Variants in CAST observed in about 807,000 individuals in gnomAD.
CAST encodes MIR583 host.
In CAST, 76 loss-of-function variants were observed where a neutral mutation model predicts 119.6. That is an observed-to-expected ratio of 0.64 (90% CI 0.53 to 0.77). The LOEUF (loss-of-function observed/expected upper bound fraction) is 0.77, where lower values mean the gene tolerates loss of function less well. Ranked by LOEUF, CAST falls within the 30% of genes least tolerant of loss-of-function variation. The pLI, the probability that CAST is intolerant of heterozygous loss-of-function variation, is 0.00. For synonymous variants in CAST, 319 were observed against 331.6 expected (o/e 0.96, Z 0.41); for missense variants, 953 against 946.5 (o/e 1.01, Z -0.09).
intron 24 of CAST, 30 bp downstream of exon 24, chr5:96,757,684 T>C (rs758933826): frequency 2.0e-6 from 3 of 1,469,490 alleles, no homozygotes; most frequent in Non-Finnish European, 2.8e-6. Flanking sequence ...TTTTATTTCT[T>C]TAGTTTTTTT....
chr5:96,746,393 A>G lies in CAST; in HGVS notation c.1252A>G (p.Ile418Val), dbSNP rs1321227733. 6.2e-7 allele frequency: 1 copy of G among 1,611,740 alleles called. No individual in the cohort carries two copies. The highest frequency in any genetic ancestry group is 1.3e-5 in the African/African-American group (1 of 74,896). ...GAAGTGTGGTGAGGATGATGAAACAATCCCATCTGAGTACAGATTAAAACC... is the reference window on the plus strand; with the variant it reads ...GAAGTGTGGTGAGGATGATGAAACAGTCCCATCTGAGTACAGATTAAAACC... ...LEKCGEDDET[I>V]PSEYRLKPAT... The change falls in exon 17 of 32, where the codon ATC becomes GTC. Residue 418 changes from isoleucine to valine, a missense_variant. Transcript: ENST00000675179.
chr5:95,969,814 G>T, the CAST span, among the ~76,000 whole-genome samples: 3 of 152,162 alleles, frequency 2.0e-5, no homozygotes, highest in Non-Finnish European at 4.4e-5. Flanking sequence ...TGTCTGGCAG[G>T]CATTTGAAAA....
chr5:96,070,765 G>A, the CAST span, among the ~76,000 whole-genome samples: 1 of 152,312 alleles, frequency 6.6e-6, no homozygotes, highest in Non-Finnish European at 1.5e-5. Context: ...GATAGGACTA[G>A]AGATATAAAT....
At chr5:96,438,578 C>T in the CAST span, among the ~76,000 whole-genome samples, 2 of 152,084 alleles carry the variant, frequency 1.3e-5, no homozygotes, top group Middle Eastern at 6.8e-3. Context: ...TTTGGTTTGT[C>T]TGGTGTTTTC....
rs1343655298 is a variant in CAST, at chr5:96,729,156, T to C, written c.382T>C (p.Ser128Pro). 4 of 1,586,426 alleles carry C rather than the reference T, an allele frequency of 2.5e-6. No individual in the cohort carries two copies. In the Admixed American group the frequency reaches 5.0e-5, roughly 20 times the overall value. The change falls in exon 7 of 32, where the codon TCT (serine) becomes CCT (proline). Residue 128 changes from serine to proline, a missense_variant. By Grantham distance (74) the Ser-to-Pro change is moderately conservative. Coordinates refer to ENST00000675179, the MANE Select transcript of CAST (RefSeq NM_001750.7). ...TTTAATCTTTTGAAATTGACAGCTG[T>C]CTGTGGTTCATGAGAAAAAATCCCA... ...PEKKSQSTKL[S>P]VVHEKKSQEG... is the part of the protein sequence containing the mutation.
At chr5:96,517,258 G>C in the CAST span, among the ~76,000 whole-genome samples, 1 of 151,868 alleles carries the variant, frequency 6.6e-6, no homozygotes, top group African/African-American at 2.4e-5. Context: ...ACAAATGCTA[G>C]CTTTGGTTTC....
chr5:96,772,135 G>T (rs908559947), intron 31 of CAST: 1 of 154,180 alleles, frequency 6.5e-6, no homozygotes, highest in African/African-American at 2.4e-5. Flanking sequence ...GAGTCTGGTG[G>T]AAATTACAGG....
At chr5:96,044,584 T>A in the CAST span, among the ~76,000 whole-genome samples, 1 of 152,198 alleles carries the variant, frequency 6.6e-6, no homozygotes, top group Non-Finnish European at 1.5e-5. Flanking sequence ...AACAAAAGTA[T>A]GCCCTACTTT....
At chr5:96,482,497 C>T in the CAST span, among the ~76,000 whole-genome samples, 25 of 151,556 alleles carry the variant, frequency 1.6e-4, no homozygotes, top group South Asian at 6.3e-4. Flanking sequence ...CTTTGTATGG[C>T]GCTTATAGGC....
At chr5:96,020,616 C>T in the CAST span, among the ~76,000 whole-genome samples, 204 of 152,242 alleles carry the variant, frequency 1.3e-3, 1 homozygote, top group African/African-American at 4.6e-3. Flanking sequence ...ATGCTCTTTG[C>T]GAGAATCTAA....
the CAST span, among the ~76,000 whole-genome samples, chr5:96,010,564 G>A: frequency 2.6e-5 from 4 of 152,130 alleles, no homozygotes; most frequent in African/African-American, 4.8e-5. Context: ...TGCCTGCTCC[G>A]GCCTCCCAAA....
chr5:96,322,795 T>C, the CAST span, among the ~76,000 whole-genome samples: 1 of 152,190 alleles, frequency 6.6e-6, no homozygotes, highest in Non-Finnish European at 1.5e-5. Context: ...TGCCTCAACA[T>C]ATCAGAAAAT....
chr5:96,720,501 C>A (rs540164909), intron 3 of CAST, among the ~76,000 whole-genome samples: 2 of 152,200 alleles, frequency 1.3e-5, no homozygotes, highest in South Asian at 4.1e-4. Flanking sequence ...TTCCCTACTT[C>A]CAGCTCCCAT....
chr5:96,055,004 C>T, the CAST span, among the ~76,000 whole-genome samples: 1 of 152,142 alleles, frequency 6.6e-6, no homozygotes, highest in African/African-American at 2.4e-5. Flanking sequence ...ACCTCACAAA[C>T]ATTAGCTATT....
intron 2 of CAST, among the ~76,000 whole-genome samples, chr5:96,681,728 G>C (rs1751444910): frequency 1.1e-5 from 1 of 94,036 alleles, no homozygotes; most frequent in African/African-American, 4.4e-5. Context: ...GCGAGACTCC[G>C]TCTCAAAAAA....
At chr5:96,559,188 G>A (rs148687182) in intron 1 of CAST, among the ~76,000 whole-genome samples, 3,329 of 152,152 alleles carry the variant, frequency 0.022, 76 homozygotes, top group Admixed American at 0.071. Flanking sequence ...CAATAAATTA[G>A]GTATTGATGG....
intron 1 of CAST, among the ~76,000 whole-genome samples, chr5:96,537,824 T>C (rs566766104): frequency 4.6e-5 from 7 of 152,220 alleles, no homozygotes; most frequent in Non-Finnish European, 1.0e-4. Flanking sequence ...CCATCAAAAC[T>C]GTAGATACCT....
At chr5:96,536,901 G>T (rs1289829495) in intron 1 of CAST, among the ~76,000 whole-genome samples, 1 of 152,142 alleles carries the variant, frequency 6.6e-6, no homozygotes, top group South Asian at 2.1e-4. Flanking sequence ...TATGGGGCAG[G>T]CATGGGAACT....
the CAST span, among the ~76,000 whole-genome samples, chr5:96,382,331 C>T: frequency 6.6e-6 from 1 of 152,074 alleles, no homozygotes; most frequent in African/African-American, 2.4e-5. Context: ...ACTGTATTTC[C>T]CTCTCTGTAA....
Sources: allele counts gnomAD v4.1 joint callset (sites outside exome capture counted in the v4.1 genomes callset), GRCh38; gene constraint gnomAD v4.1.1; transcripts MANE v1.5; gene names NCBI Gene and HGNC (gene_info 2026-07-23, HGNC 2026-07-21).